The following PIGU variants were observed in gnomAD, a reference collection of about 807,000 sequenced individuals.
PIGU encodes the protein GPI-anchor transamidase component PIGU.
A neutral mutation model predicts 49.9 loss-of-function variants in PIGU; 24 were observed. That is an observed-to-expected ratio of 0.48 (90% confidence interval 0.35 to 0.68). The LOEUF is 0.68. Ranked by LOEUF, PIGU falls within the 30% of genes least tolerant of loss-of-function variation. The pLI, the probability that PIGU is intolerant of heterozygous loss-of-function variation, is 0.01. For synonymous variants in PIGU, 220 were observed against 205.7 expected (o/e 1.07, Z -0.59); for missense variants, 490 against 532.6 (o/e 0.92, Z 0.79).
chr20:34,620,735 C>T (rs1985177342), intron 6 of PIGU, among the ~76,000 whole-genome samples: 1 of 146,320 alleles, frequency 6.8e-6, no homozygotes. Context: ...GGCGTGAACC[C>T]GGGAGGCAGA....
intron 1 of PIGU, among the ~76,000 whole-genome samples, chr20:34,676,325 AATT>A (rs1422322354): frequency 6.6e-6 from 1 of 152,180 alleles, no homozygotes; most frequent in Non-Finnish European, 1.5e-5. Context: ...ACTTTTCATG[AATT>A]ATTATAACGA....
At chr20:34,602,484 C>G (rs916138663) in intron 7 of PIGU, among the ~76,000 whole-genome samples, 1 of 152,002 alleles carries the variant, frequency 6.6e-6, no homozygotes, top group Middle Eastern at 3.4e-3. Flanking sequence ...GTAATCCCAG[C>G]TACTTGGGAG....
intron 8 of PIGU, 72 bp from the exon 9 acceptor site, chr20:34,585,652 C>T: frequency 6.5e-7 from 1 of 1,546,306 alleles, no homozygotes; most frequent in Non-Finnish European, 8.8e-7. Flanking sequence ...CTTGATTTCT[C>T]CTGAAGACTT....
At chr20:34,671,676 T>C (rs533287510) in intron 1 of PIGU, among the ~76,000 whole-genome samples, 4 of 152,146 alleles carry the variant, frequency 2.6e-5, no homozygotes, top group Admixed American at 1.3e-4. Context: ...ATCCACCACT[T>C]TGGGAGGCCA....
At chr20:34,594,998 A>G (rs1266137876) in intron 7 of PIGU, among the ~76,000 whole-genome samples, 1 of 144,850 alleles carries the variant, frequency 6.9e-6, no homozygotes, top group African/African-American at 2.5e-5. Flanking sequence ...AGGCCGAGGC[A>G]GGAGAATGGC....
At chr20:34,618,546 C>G (rs1985094557) in intron 6 of PIGU, among the ~76,000 whole-genome samples, 1 of 152,148 alleles carries the variant, frequency 6.6e-6, no homozygotes, top group African/African-American at 2.4e-5. Flanking sequence ...CTTTGAAAGG[C>G]AAAGGTGGGA....
At chr20:34,621,881 A>G (rs144391474) in intron 6 of PIGU, among the ~76,000 whole-genome samples, 36 of 152,290 alleles carry the variant, frequency 2.4e-4, no homozygotes, top group African/African-American at 7.9e-4. Flanking sequence ...ATACAGGAGG[A>G]AAGTACAAAG....
At chr20:34,565,986 T>C (rs1734684794) in intron 11 of PIGU, among the ~76,000 whole-genome samples, 1 of 148,370 alleles carries the variant, frequency 6.7e-6, no homozygotes, top group Non-Finnish European at 1.5e-5. Context: ...CACACATACA[T>C]GCAAGCTTGC....
intron 1 of PIGU, among the ~76,000 whole-genome samples, chr20:34,669,929 C>G (rs967300136): frequency 6.6e-6 from 1 of 152,020 alleles, no homozygotes; most frequent in Admixed American, 6.6e-5. Flanking sequence ...AAGACTAAGC[C>G]TAACGGCAAA....
intron 1 of PIGU, among the ~76,000 whole-genome samples, chr20:34,669,543 T>G (rs1004526491): frequency 6.6e-6 from 1 of 151,882 alleles, no homozygotes; most frequent in African/African-American, 2.4e-5. Flanking sequence ...GGCACACACC[T>G]GTAATCCCAG....
At chr20:34,621,291 G>C (rs1985213434) in intron 6 of PIGU, among the ~76,000 whole-genome samples, 2 of 152,234 alleles carry the variant, frequency 1.3e-5, no homozygotes, top group South Asian at 4.2e-4. Context: ...CAATGTTCTT[G>C]AGGAAGAAAA....
At chr20:34,639,170 G>C (rs1000670462) in intron 4 of PIGU, among the ~76,000 whole-genome samples, 1 of 152,118 alleles carries the variant, frequency 6.6e-6, no homozygotes, top group African/African-American at 2.4e-5. Flanking sequence ...GGGAGGCCGA[G>C]GCAGGCAGAT....
intron 1 of PIGU, among the ~76,000 whole-genome samples, chr20:34,659,611 G>T (rs541971935): frequency 2.6e-5 from 4 of 152,216 alleles, no homozygotes; most frequent in East Asian, 1.9e-4. Flanking sequence ...GAATAGAAAG[G>T]GGGGAAAGGT....
At chr20:34,674,029 G>T (rs999708462) in intron 1 of PIGU, among the ~76,000 whole-genome samples, 8 of 151,398 alleles carry the variant, frequency 5.3e-5, no homozygotes, top group Non-Finnish European at 1.0e-4. Context: ...CTCCAGCCTG[G>T]GCAACAGACT....
At chr20:34,585,773 T>C (rs1198503418) in intron 8 of PIGU, among the ~76,000 whole-genome samples, 193 bp from the exon 9 acceptor site, 1 of 152,106 alleles carries the variant, frequency 6.6e-6, no homozygotes, top group Non-Finnish European at 1.5e-5. Context: ...CAGAGACATA[T>C]AATGATAACC....
chr20:34,584,172 G>A (rs1461581153), intron 9 of PIGU, among the ~76,000 whole-genome samples: 1 of 152,134 alleles, frequency 6.6e-6, no homozygotes, highest in East Asian at 1.9e-4. Flanking sequence ...CCACCTCTCT[G>A]AGCATCGATT....
intron 7 of PIGU, among the ~76,000 whole-genome samples, chr20:34,603,437 A>G (rs1984503112): frequency 6.6e-6 from 1 of 152,126 alleles, no homozygotes; most frequent in Non-Finnish European, 1.5e-5. Context: ...TTTTTCCTTT[A>G]TCCAGTTTTC....
intron 11 of PIGU, among the ~76,000 whole-genome samples, chr20:34,571,640 A>C (rs1983017306): frequency 2.0e-5 from 3 of 152,192 alleles, no homozygotes; most frequent in African/African-American, 7.2e-5. Context: ...TCTCGATGGA[A>C]GACACAGAAG....
At chr20:34,660,944 T>G (rs1007616696) in intron 1 of PIGU, among the ~76,000 whole-genome samples, 1 of 152,128 alleles carries the variant, frequency 6.6e-6, no homozygotes, top group African/African-American at 2.4e-5. Context: ...TGCACTATGG[T>G]GATGTAGAAT....
Sources: gnomAD v4.1 joint callset for allele counts (sites outside exome capture counted in the v4.1 genomes callset) on GRCh38, gnomAD v4.1.1 for gene constraint, MANE v1.5 for transcripts, NCBI Gene and HGNC (gene_info 2026-07-23, HGNC 2026-07-21) for gene names.